POLD3: variants seen among roughly 807,000 people sequenced by gnomAD.
POLD3 encodes DNA polymerase delta subunit 3.
POLD3 carries 19 observed loss-of-function variants against 58.2 expected under a neutral mutation model. That is an observed-to-expected ratio of 0.33 (90% CI 0.23 to 0.48). The LOEUF (loss-of-function observed/expected upper bound fraction) is 0.48. POLD3 is among the 20% of genes least tolerant of loss of function. The pLI, the probability that POLD3 is intolerant of heterozygous loss-of-function variation, is 0.99. For missense variants in POLD3, 504 were observed against 545.5 expected, an observed-to-expected ratio of 0.92 and a Z score of 0.76; for synonymous variants, 172 against 193.5, an observed-to-expected ratio of 0.89 and a Z score of 0.92.
At chr11:74,608,401 A>G (rs1442690557) in intron 3 of POLD3, among the ~76,000 whole-genome samples, 2 of 152,178 alleles carry the variant, frequency 1.3e-5, no homozygotes, top group African/African-American at 4.8e-5. Flanking sequence ...GATTACAGGC[A>G]TGAACCACGG....
rs1270469378 is a variant in POLD3 at position 74,649,283 on chromosome 11, G to T, written c.369+13008G>T. Among the ~76,000 whole-genome samples, 6 of 152,198 alleles carry T rather than the reference G, an allele frequency of 3.9e-5. No individual in the cohort carries two copies. The East Asian group carries it at 1.2e-3, about 29-fold the overall frequency. The stretch of plus-strand genomic sequence containing the variant: ...TCATATACTTTATATCATTTGATCC[G>T]TAACAACTTTGTGAGGTGTAGGTAT... On this transcript the variant is annotated intron_variant, in intron 4 of 4. Coordinates refer to the POLD3 transcript ENST00000524752.
Position 74,634,660 on chromosome 11 carries a change from G to A in POLD3, c.1084G>A (p.Val362Met). The A allele has an allele frequency of 6.2e-7, 1 of 1,612,492 alleles. No individual in the cohort carries two copies. The highest frequency in any genetic ancestry group is 2.2e-5 in the East Asian group (1 of 44,848). The change falls in exon 10 of 12, where the codon GTG becomes ATG. Residue 362 changes from valine to methionine, a missense_variant. Transcript: ENST00000263681. ...PPPPSPPLEP[V>M]PKTEPEPPSV... Reference sequence around the variant, plus strand: ...TCCTCCGTCTCCACCTCTTGAACCAGTGCCAAAGACTGAGCCTGAACCTCC... The same window carrying A: ...TCCTCCGTCTCCACCTCTTGAACCAATGCCAAAGACTGAGCCTGAACCTCC...
intron 2 of POLD3, among the ~76,000 whole-genome samples, chr11:74,601,064 T>G (rs947907889): frequency 1.3e-5 from 2 of 152,102 alleles, no homozygotes; most frequent in Admixed American, 1.3e-4. Context: ...CATTTTCTGT[T>G]AATATAAGAG....
intron 4 of POLD3, among the ~76,000 whole-genome samples, chr11:74,653,695 C>T (rs1270812026): frequency 6.6e-6 from 1 of 151,496 alleles, no homozygotes; most frequent in African/African-American, 2.4e-5. Flanking sequence ...TTAACCATAT[C>T]AACATTAAAT....
intron 11 of POLD3, 65 bp from the exon 12 acceptor site, chr11:74,640,499 C>T (rs2032881092): frequency 6.9e-7 from 1 of 1,449,708 alleles, no homozygotes; most frequent in Admixed American, 2.6e-5. Flanking sequence ...AGCAAGACAT[C>T]CCATTTTCTT....
intron 3 of POLD3, among the ~76,000 whole-genome samples, chr11:74,609,208 C>T (rs2031800083): frequency 6.6e-6 from 1 of 151,450 alleles, no homozygotes; most frequent in African/African-American, 2.4e-5. Flanking sequence ...AATAATTCCT[C>T]ACTGTACTGA....
chr11:74,603,639 G>A (rs1485181679), intron 2 of POLD3, among the ~76,000 whole-genome samples: 1 of 152,148 alleles, frequency 6.6e-6, no homozygotes, highest in Non-Finnish European at 1.5e-5. Context: ...TAAGGAAAGG[G>A]AGGAGGTAGA....
At chr11:74,635,870 C>T (rs1036108917) in intron 10 of POLD3, among the ~76,000 whole-genome samples, 1 of 152,212 alleles carries the variant, frequency 6.6e-6, no homozygotes, top group Non-Finnish European at 1.5e-5. Flanking sequence ...CTCTCTCCTC[C>T]ACTAAGGTCC....
At chr11:74,647,070 A>G (rs2033007976), downstream of POLD3, among the ~76,000 whole-genome samples, 2 of 152,200 alleles carry the variant, frequency 1.3e-5, no homozygotes, top group African/African-American at 4.8e-5. Flanking sequence ...TGCAGTTGAC[A>G]ATAGGGTTTG....
intron 7 of POLD3, among the ~76,000 whole-genome samples, chr11:74,622,825 C>T (rs989878193): frequency 6.6e-6 from 1 of 150,600 alleles, no homozygotes; most frequent in Admixed American, 6.6e-5. Flanking sequence ...CCCAGCAGTT[C>T]CTCTCCTAGA....
At chr11:74,635,656 G>A (rs1012522940) in intron 10 of POLD3, among the ~76,000 whole-genome samples, 8 of 152,124 alleles carry the variant, frequency 5.3e-5, no homozygotes, top group African/African-American at 1.4e-4. Flanking sequence ...ATTCCAGCCT[G>A]GGCAACAGAG....
At chr11:74,613,051 G>A (rs1236962251) in intron 5 of POLD3, 41 bp downstream of exon 5, 1 of 1,572,524 alleles carries the variant, frequency 6.4e-7, no homozygotes, top group Non-Finnish European at 8.6e-7. Flanking sequence ...TTTACGAATT[G>A]ATTTTGTAAG....
intron 5 of POLD3, among the ~76,000 whole-genome samples, chr11:74,617,454 C>T (rs752093285): frequency 1.9e-4 from 29 of 152,016 alleles, no homozygotes; most frequent in Admixed American, 6.5e-4. Flanking sequence ...TAGGCTGGAG[C>T]GCAGTAGTGT....
Position 74,635,561 on chromosome 11 carries a change from T to A in POLD3, c.1120-636T>A, listed in dbSNP as rs191501486. ...GGGCATGGTGGCACATGCCTTTTAG[T>A]TTCAGCTACTTGGGAGGCTGAGGTA... On this transcript the variant is annotated intron_variant, in intron 10 of 11. Transcript: ENST00000263681. 2.2e-4 allele frequency among the ~76,000 whole-genome samples: 33 copies of A among 152,298 alleles called. 1 individual carries two copies. The highest frequency in any genetic ancestry group is 2.0e-3 in the Admixed American group (31 of 15,300).
At chr11:74,638,854 G>A (rs2032830994) in intron 11 of POLD3, among the ~76,000 whole-genome samples, 1 of 152,208 alleles carries the variant, frequency 6.6e-6, no homozygotes, top group Non-Finnish European at 1.5e-5. Context: ...CTGGTGTGCG[G>A]AGCACAATTT....
chr11:74,645,895 G>T (rs75392998), downstream of POLD3, among the ~76,000 whole-genome samples: 1,467 of 151,792 alleles, frequency 9.7e-3, 21 homozygotes, highest in African/African-American at 0.034. Flanking sequence ...TTGCCTCTTG[G>T]CTATGTATTA....
At chr11:74,649,130 C>A (rs752657706) in intron 4 of POLD3, among the ~76,000 whole-genome samples, 3 of 152,178 alleles carry the variant, frequency 2.0e-5, no homozygotes, top group Non-Finnish European at 4.4e-5. Flanking sequence ...CACATACACA[C>A]ACTGATTCAG....
At chr11:74,620,903 T>G (rs1029222015) in intron 7 of POLD3, among the ~76,000 whole-genome samples, 2 of 149,890 alleles carry the variant, frequency 1.3e-5, no homozygotes, top group African/African-American at 5.0e-5. Context: ...AAATTGGTGG[T>G]CACGGGAGGG....
chr11:74,619,949 T>G, intron 6 of POLD3, 68 bp from the exon 7 acceptor site: 2 of 1,247,480 alleles, frequency 1.6e-6, no homozygotes, highest in Non-Finnish European at 2.4e-6. Context: ...AAGAGTTTGT[T>G]TGAGACTGCT....
Sources: allele counts gnomAD v4.1 joint callset (sites outside exome capture counted in the v4.1 genomes callset), GRCh38; gene constraint gnomAD v4.1.1; transcripts MANE v1.5; gene names NCBI Gene and HGNC (gene_info 2026-07-23, HGNC 2026-07-21).